CTNNA3: variants seen among roughly 807,000 people sequenced by gnomAD.
CTNNA3 encodes catenin alpha 3.
CTNNA3 carries 76 observed loss-of-function variants against 95.7 expected under a neutral mutation model. The ratio of observed to expected loss-of-function variants is 0.79; its 90% CI spans 0.66 to 0.96. The LOEUF (loss-of-function observed/expected upper bound fraction) is 0.96, where lower values mean the gene tolerates loss of function less well. Ranked by LOEUF, CTNNA3 falls within the 40% of genes least tolerant of loss-of-function variation. The probability of loss-of-function intolerance (pLI) is 0.00; values close to 1 mark genes in which losing one functional copy is unlikely to be tolerated. For synonymous variants in CTNNA3, 431 were observed against 374.4 expected (o/e 1.15, Z -1.74); for missense variants, 1,191 against 1,089.8 (o/e 1.09, Z -1.31).
chr10:67,244,757 G>A (rs533837305), intron 5 of CTNNA3, among the ~76,000 whole-genome samples: 11 of 152,278 alleles, frequency 7.2e-5, no homozygotes, highest in African/African-American at 1.2e-4. Flanking sequence ...AATGTACCAC[G>A]TAAAAGCTAG....
At chr10:67,014,812 C>T (rs1288117918) in intron 7 of CTNNA3, among the ~76,000 whole-genome samples, 1 of 151,902 alleles carries the variant, frequency 6.6e-6, no homozygotes, top group Non-Finnish European at 1.5e-5. Context: ...AAACATCATT[C>T]CAAACATAGC....
In CTNNA3 at chr10:65,963,004, C is replaced by T. The variant is rs185929214; in HGVS notation, c.2400+3608G>A. ...CAAGTCTTTGCTATTGTGACTAGTG[C>T]TGCAATAAACATCTTAGACTAATTT... On this transcript the variant is annotated intron_variant, in intron 17 of 17. Coordinates refer to ENST00000433211, the MANE Select transcript of CTNNA3 (RefSeq NM_013266.4). Among the ~76,000 whole-genome samples the T allele has an allele frequency of 2.5e-3, 377 of 152,262 alleles. No individual in the cohort carries two copies. In the Middle Eastern group the frequency reaches 0.031, roughly 12 times the overall value.
chr10:66,231,336 C>G (rs538288646), intron 13 of CTNNA3, among the ~76,000 whole-genome samples: 2 of 152,138 alleles, frequency 1.3e-5, no homozygotes, highest in South Asian at 4.2e-4. Flanking sequence ...ATCTATGCCT[C>G]AGAGGGTTTT....
At chr10:66,065,707 C>T (rs760136334) in intron 15 of CTNNA3, among the ~76,000 whole-genome samples, 1 of 152,038 alleles carries the variant, frequency 6.6e-6, no homozygotes, top group Non-Finnish European at 1.5e-5. Context: ...TTCTTCAAAG[C>T]TTCTGTTCCT....
intron 9 of CTNNA3, among the ~76,000 whole-genome samples, chr10:66,757,254 G>C (rs1839396785): frequency 6.6e-6 from 1 of 152,142 alleles, no homozygotes; most frequent in Non-Finnish European, 1.5e-5. Context: ...AGGGCTGAGA[G>C]GGGGCTGAGT....
At chr10:67,569,296 G>A (rs1264148031) in intron 3 of CTNNA3, among the ~76,000 whole-genome samples, 2 of 152,122 alleles carry the variant, frequency 1.3e-5, no homozygotes, top group South Asian at 2.1e-4. Context: ...CTTAATATGT[G>A]TGCATAGCCA....
At chr10:66,183,223 T>TTTGTAAATAAAGTTTTA (rs903332823) in intron 13 of CTNNA3, among the ~76,000 whole-genome samples, 3 of 152,184 alleles carry the variant, frequency 2.0e-5, no homozygotes, top group Non-Finnish European at 4.4e-5. Context: ...CTCTATCTCT[T>TTTGTAAATAAAGTTTTA]TTGTAAATAA....
intron 15 of CTNNA3, among the ~76,000 whole-genome samples, chr10:66,031,522 T>C (rs2079448932): frequency 6.6e-6 from 1 of 151,840 alleles, no homozygotes; most frequent in African/African-American, 2.4e-5. Context: ...CACATGGACA[T>C]AAAGATGGGG....
intron 9 of CTNNA3, among the ~76,000 whole-genome samples, chr10:66,724,711 G>A (rs941133300): frequency 1.3e-5 from 2 of 152,156 alleles, no homozygotes; most frequent in African/African-American, 4.8e-5. Flanking sequence ...ACTTTGGAAA[G>A]AGAAGTTAAA....
intron 7 of CTNNA3, among the ~76,000 whole-genome samples, chr10:66,945,660 T>C (rs1393596811): frequency 6.6e-6 from 1 of 152,236 alleles, no homozygotes; most frequent in African/African-American, 2.4e-5. Context: ...AAAAGAGGCC[T>C]AGCTTTCAAC....
At chr10:67,309,138 A>C (rs1840678769) in intron 5 of CTNNA3, among the ~76,000 whole-genome samples, 1 of 152,160 alleles carries the variant, frequency 6.6e-6, no homozygotes, top group African/African-American at 2.4e-5. Flanking sequence ...CTTTTTATGC[A>C]ACATGATTAA....
In CTNNA3 at chr10:66,444,142, C is replaced by A. The variant is rs373928590; in HGVS notation, c.1532-64790G>T. On this transcript the variant is annotated intron_variant, in intron 11 of 17. Coordinates refer to ENST00000433211, the MANE Select transcript of CTNNA3 (RefSeq NM_013266.4). Reference sequence around the variant, plus strand: ...TTAGAGAAAAAAGAATAAGAAGAAACGAACAAAGCCTCCAAGAAATATGGG... The same window carrying A: ...TTAGAGAAAAAAGAATAAGAAGAAAAGAACAAAGCCTCCAAGAAATATGGG... 9.2e-5 allele frequency among the ~76,000 whole-genome samples: 14 copies of A among 152,090 alleles called. No individual in the cohort carries two copies. The East Asian group carries it at 2.3e-3, about 25-fold the overall frequency.
At chr10:67,296,798 G>A (rs1840050135) in intron 5 of CTNNA3, among the ~76,000 whole-genome samples, 1 of 151,986 alleles carries the variant, frequency 6.6e-6, no homozygotes, top group Non-Finnish European at 1.5e-5. Context: ...GCCAGGCATA[G>A]TGGCAGGTGC....
At chr10:66,950,969 T>C (rs552846672) in intron 7 of CTNNA3, among the ~76,000 whole-genome samples, 1 of 152,260 alleles carries the variant, frequency 6.6e-6, no homozygotes, top group South Asian at 2.1e-4. Context: ...GAAACTCCCT[T>C]TGAATGCTAG....
intron 12 of CTNNA3, among the ~76,000 whole-genome samples, chr10:66,376,376 T>C (rs1271544937): frequency 6.6e-6 from 1 of 152,180 alleles, no homozygotes; most frequent in African/African-American, 2.4e-5. Context: ...ATTATGCTTC[T>C]ATCTGGGTGA....
intron 7 of CTNNA3, among the ~76,000 whole-genome samples, chr10:67,088,812 ATATTG>A (rs1312415252): frequency 6.6e-5 from 10 of 152,092 alleles, no homozygotes; most frequent in Non-Finnish European, 1.3e-4. Context: ...CTGCAAATTT[ATATTG>A]AGTTCCTGCC....
At chr10:66,444,274 C>A (rs2131799989) in intron 11 of CTNNA3, among the ~76,000 whole-genome samples, 1 of 152,212 alleles carries the variant, frequency 6.6e-6, no homozygotes, top group East Asian at 1.9e-4. Context: ...AGGAGAACTT[C>A]CCCAGTCTAG....
At chr10:66,720,357 C>A (rs2132633819) in intron 9 of CTNNA3, among the ~76,000 whole-genome samples, 1 of 151,526 alleles carries the variant, frequency 6.6e-6, no homozygotes, top group Non-Finnish European at 1.5e-5. Flanking sequence ...GAGAGCAAAG[C>A]AAAACTTCAA....
At chr10:67,206,280 A>T (rs1295362426) in intron 6 of CTNNA3, among the ~76,000 whole-genome samples, 1 of 152,160 alleles carries the variant, frequency 6.6e-6, no homozygotes, top group African/African-American at 2.4e-5. Flanking sequence ...TAAGCTATAT[A>T]AAACATTGAG....
Sources: gnomAD v4.1 joint callset for allele counts (sites outside exome capture counted in the v4.1 genomes callset) on GRCh38, gnomAD v4.1.1 for gene constraint, MANE v1.5 for transcripts, NCBI Gene and HGNC (gene_info 2026-07-23, HGNC 2026-07-21) for gene names.